CIRSR: variants seen among roughly 807,000 people sequenced by gnomAD.
The protein encoded by CIRSR is CBF1 (RBPJ) interacting corepressor 1.
At chr2:174,394,773 C>T in the CIRSR span, among the ~76,000 whole-genome samples, 7 of 152,154 alleles carry the variant, frequency 4.6e-5, no homozygotes, top group African/African-American at 1.7e-4. Context: ...TCACAAGTTT[C>T]TATGTAGGGG....
At chr2:174,395,669 G>A in the CIRSR span, 13 of 1,613,958 alleles carry the variant, frequency 8.1e-6, no homozygotes, top group Non-Finnish European at 1.1e-5. Context: ...TGTTAGCAAC[G>A]TAAACAAACT....
At chr2:174,394,192 G>A in the CIRSR span, among the ~76,000 whole-genome samples, 2 of 152,136 alleles carry the variant, frequency 1.3e-5, no homozygotes, top group Non-Finnish European at 2.9e-5. Context: ...TTTATAAAGC[G>A]AAATGTCAAA....
the CIRSR span, among the ~76,000 whole-genome samples, chr2:174,395,321 C>G: frequency 6.6e-6 from 1 of 152,194 alleles, no homozygotes; most frequent in Non-Finnish European, 1.5e-5. Flanking sequence ...TGCATTCTGG[C>G]CGACAAAGAT....
chr2:174,372,872 G>A, the CIRSR span, among the ~76,000 whole-genome samples: 3 of 152,116 alleles, frequency 2.0e-5, no homozygotes, highest in South Asian at 2.1e-4. Context: ...GTGAGCCACC[G>A]AGCCTGGCCT....
the CIRSR span, among the ~76,000 whole-genome samples, chr2:174,354,551 T>TA: frequency 3.1e-4 from 12 of 38,390 alleles, no homozygotes; most frequent in South Asian, 1.0e-3. Context: ...ATATATTATA[T>TA]TATATATATT....
At chr2:174,367,453 G>A in the CIRSR span, among the ~76,000 whole-genome samples, 2 of 152,178 alleles carry the variant, frequency 1.3e-5, no homozygotes, top group Admixed American at 6.5e-5. Flanking sequence ...GGTGGGGGGC[G>A]CCTGTAGTCC....
At chr2:174,379,093 A>G in the CIRSR span, 150 of 1,226,488 alleles carry the variant, frequency 1.2e-4, no homozygotes, top group Non-Finnish European at 1.6e-4. Context: ...AATCTAACCA[A>G]TGTTCAAATT....
the CIRSR span, chr2:174,387,467 T>C: frequency 2.3e-6 from 1 of 432,374 alleles, no homozygotes; most frequent in Non-Finnish European, 4.1e-6. Flanking sequence ...AGACTGTATA[T>C]GAGTCACGTG....
At chr2:174,352,955 G>A in the CIRSR span, among the ~76,000 whole-genome samples, 3 of 152,056 alleles carry the variant, frequency 2.0e-5, no homozygotes, top group South Asian at 2.1e-4. Context: ...ACTTATTTGC[G>A]CACTCACCTG....
At chr2:174,359,950 T>C in the CIRSR span, among the ~76,000 whole-genome samples, 2 of 152,230 alleles carry the variant, frequency 1.3e-5, no homozygotes, top group East Asian at 3.9e-4. Flanking sequence ...CTGGGCAAAC[T>C]ATCGCAAGGA....
At chr2:174,391,726 A>T in the CIRSR span, among the ~76,000 whole-genome samples, 1 of 152,056 alleles carries the variant, frequency 6.6e-6, no homozygotes, top group Non-Finnish European at 1.5e-5. Context: ...ATTTGTGCTT[A>T]AAAAAAGACA....
chr2:174,355,138 G>C, the CIRSR span, among the ~76,000 whole-genome samples: 18 of 152,056 alleles, frequency 1.2e-4, no homozygotes, highest in Non-Finnish European at 1.9e-4. Flanking sequence ...CAGAGGCTAC[G>C]TAGAGTTACA....
the CIRSR span, chr2:174,381,658 GA>G: frequency 0.061 from 62,165 of 1,016,078 alleles, no homozygotes; most frequent in South Asian, 0.078. Flanking sequence ...CTGTGCCTCA[GA>G]AAAAAAAAAA....
chr2:174,368,186 G>C, the CIRSR span, among the ~76,000 whole-genome samples: 4 of 152,248 alleles, frequency 2.6e-5, no homozygotes, highest in South Asian at 2.1e-4. Context: ...AAATCAGGAG[G>C]ATATAGTTCA....
the CIRSR span, chr2:174,387,663 C>G: frequency 7.9e-5 from 123 of 1,565,730 alleles, 1 homozygote; most frequent in South Asian, 1.4e-3. Context: ...TCTAGATATA[C>G]TGGCATAACA....
chr2:174,357,526 CCAA>C, the CIRSR span, among the ~76,000 whole-genome samples: 1 of 152,110 alleles, frequency 6.6e-6, no homozygotes, highest in South Asian at 2.1e-4. Flanking sequence ...AAAATAAACC[CCAA>C]CATTATCACA....
At chr2:174,351,942 A>G in the CIRSR span, 2 of 390,574 alleles carry the variant, frequency 5.1e-6, no homozygotes, top group East Asian at 8.1e-5. Flanking sequence ...GTGCAAGGGG[A>G]GTCTTCTTAT....
chr2:174,351,820 A>G, the CIRSR span: 1 of 789,606 alleles, frequency 1.3e-6, no homozygotes, highest in Non-Finnish European at 2.0e-6. Context: ...TTGTTAAGTA[A>G]AATCACAGCT....
chr2:174,365,760 C>T, the CIRSR span, among the ~76,000 whole-genome samples: 1 of 152,190 alleles, frequency 6.6e-6, no homozygotes, highest in Non-Finnish European at 1.5e-5. Flanking sequence ...ATTCATTTAC[C>T]TCCCACTGGG....
Sources: gnomAD v4.1 joint callset for allele counts (sites outside exome capture counted in the v4.1 genomes callset) on GRCh38, gnomAD v4.1.1 for gene constraint, MANE v1.5 for transcripts, NCBI Gene and HGNC (gene_info 2026-07-23, HGNC 2026-07-21) for gene names.